HS3ST2: variants seen among roughly 807,000 people sequenced by gnomAD.
The protein encoded by HS3ST2 is heparan sulfate-glucosamine 3-sulfotransferase 2.
In HS3ST2, 17 loss-of-function variants were observed where a neutral mutation model predicts 26.3. The observed-to-expected ratio is 0.65, with a 90% confidence interval of 0.44 to 0.97. HS3ST2 has a LOEUF of 0.97. Ranked by LOEUF, HS3ST2 falls within the 50% of genes least tolerant of loss-of-function variation. The probability of loss-of-function intolerance (pLI) is 0.00; values close to 1 mark genes in which losing one functional copy is unlikely to be tolerated. For synonymous variants in HS3ST2, 237 were observed against 219.2 expected, an observed-to-expected ratio of 1.08 and a Z score of -0.72; for missense variants, 402 against 501.2, an observed-to-expected ratio of 0.80 and a Z score of 1.89.
At chr16:22,860,381 C>T (rs1901658331) in intron 1 of HS3ST2, among the ~76,000 whole-genome samples, 1 of 152,130 alleles carries the variant, frequency 6.6e-6, no homozygotes, top group South Asian at 2.1e-4. Flanking sequence ...TTAACTACCT[C>T]CCACTGGGTC....
chr16:22,823,618 TAAAAA>T (rs35978909), intron 1 of HS3ST2, among the ~76,000 whole-genome samples: 1 of 137,298 alleles, frequency 7.3e-6, no homozygotes. Context: ...ACCTCTTCTC[TAAAAA>T]AAAAAAAAAA....
intron 1 of HS3ST2, among the ~76,000 whole-genome samples, chr16:22,852,466 T>C (rs369480736): frequency 6.6e-5 from 10 of 152,284 alleles, no homozygotes; most frequent in African/African-American, 2.4e-4. Context: ...TCCCCAGTCA[T>C]TCCTTCTGGC....
At chr16:22,886,948 T>C (rs1258073794) in intron 1 of HS3ST2, among the ~76,000 whole-genome samples, 2 of 152,208 alleles carry the variant, frequency 1.3e-5, no homozygotes, top group African/African-American at 4.8e-5. Flanking sequence ...GATGAGGTTT[T>C]GCTATGTTGC....
intron 1 of HS3ST2, among the ~76,000 whole-genome samples, chr16:22,871,607 A>G (rs916154832): frequency 6.6e-6 from 1 of 152,138 alleles, no homozygotes; most frequent in Non-Finnish European, 1.5e-5. Flanking sequence ...TCCCCACAAA[A>G]ACACAATCTC....
chr16:22,816,514 G>A (rs755553736), intron 1 of HS3ST2, among the ~76,000 whole-genome samples: 55 of 152,216 alleles, frequency 3.6e-4, no homozygotes, highest in Admixed American at 3.2e-3. Flanking sequence ...TCCTTAGCAG[G>A]CAGACACATA....
At chr16:22,823,082 A>G (rs1487054303) in intron 1 of HS3ST2, among the ~76,000 whole-genome samples, 1 of 152,354 alleles carries the variant, frequency 6.6e-6, no homozygotes, top group Non-Finnish European at 1.5e-5. Context: ...GTTAAAATAA[A>G]TATTGTTTAA....
Position 22,857,229 on chromosome 16 carries a change from G to A in HS3ST2, c.485+42134G>A, listed in dbSNP as rs185130784. Among the ~76,000 whole-genome samples, 93 of 152,294 alleles carry A rather than the reference G, an allele frequency of 6.1e-4. 1 individual carries two copies. The highest frequency in any genetic ancestry group is 1.8e-3 in the African/African-American group (76 of 41,548). ...GATGAAAGTAATGTTATTAATTTCC[G>A]TAGTTATAATTTTAAACACAAGTCA... On this transcript the variant is annotated intron_variant, in intron 1 of 1. Transcript: ENST00000261374.
chr16:22,822,054 GGT>G (rs1227513876), intron 1 of HS3ST2, among the ~76,000 whole-genome samples: 1 of 152,136 alleles, frequency 6.6e-6, no homozygotes. Context: ...GTCTGCTCTA[GGT>G]GGAGGCTAAA....
At chr16:22,821,650 A>T (rs568093472) in intron 1 of HS3ST2, among the ~76,000 whole-genome samples, 1 of 152,052 alleles carries the variant, frequency 6.6e-6, no homozygotes, top group Non-Finnish European at 1.5e-5. Flanking sequence ...AGGTTAATCC[A>T]TTCGTTTGTC....
rs545194779 is a variant in HS3ST2, at chr16:22,857,811, A to G, written c.485+42716A>G. On this transcript the variant is annotated intron_variant, in intron 1 of 1. Coordinates refer to ENST00000261374, the MANE Select transcript of HS3ST2 (RefSeq NM_006043.2). The stretch of plus-strand genomic sequence containing the variant: ...AATTATGGCTGCCTTATCCATTTTT[A>G]ATAATCTACTTATGATCGCGCAAAC... 1.7e-3 allele frequency among the ~76,000 whole-genome samples: 258 copies of G among 152,256 alleles called. 2 individuals are homozygous for G. Among genetic ancestry groups the G allele is most frequent in the African/African-American group, 5.9e-3 (246 of 41,528 alleles).
chr16:22,890,491 A>G (rs1278617156), intron 1 of HS3ST2, among the ~76,000 whole-genome samples: 1 of 152,212 alleles, frequency 6.6e-6, no homozygotes, highest in Non-Finnish European at 1.5e-5. Flanking sequence ...GATCCCAGTT[A>G]TATACATTTT....
chr16:22,870,023 TA>T (rs1434247987), intron 1 of HS3ST2, among the ~76,000 whole-genome samples: 1 of 152,176 alleles, frequency 6.6e-6, no homozygotes, highest in Non-Finnish European at 1.5e-5. Context: ...ACATTGAATT[TA>T]AAATGTAGGT....
rs773760554 is a variant in HS3ST2, at chr16:22,915,460, T to C, written c.1002T>C (p.His334=). Residue 334 remains histidine (H), a synonymous_variant, in exon 2 of 2, where the codon CAT becomes CAC. Coordinates refer to ENST00000261374, the MANE Select transcript of HS3ST2 (RefSeq NM_006043.2). ...RCLGKSKGRT[H]VQIDPEVIDQ... Reference sequence around the variant, plus strand: ...TGGGCAAATCAAAAGGGAGAACTCATGTACAGATTGATCCTGAAGTGATAG... The same window carrying C: ...TGGGCAAATCAAAAGGGAGAACTCACGTACAGATTGATCCTGAAGTGATAG... 17 of 1,613,422 alleles carry C rather than the reference T, an allele frequency of 1.1e-5. No homozygotes were observed. The South Asian group carries it at 1.5e-4, about 15-fold the overall frequency.
At chr16:22,865,916 T>A (rs1901743398) in intron 1 of HS3ST2, among the ~76,000 whole-genome samples, 1 of 152,068 alleles carries the variant, frequency 6.6e-6, no homozygotes, top group East Asian at 1.9e-4. Context: ...CTATAGTGGG[T>A]CAAAAGAGGG....
chr16:22,845,017 G>A (rs1210313549), intron 1 of HS3ST2, among the ~76,000 whole-genome samples: 1 of 150,654 alleles, frequency 6.6e-6, no homozygotes, highest in Non-Finnish European at 1.5e-5. Flanking sequence ...ACCATGCCTG[G>A]CTAATTTTTT....
At chr16:22,868,871 C>T (rs1901793792) in intron 1 of HS3ST2, among the ~76,000 whole-genome samples, 2 of 151,804 alleles carry the variant, frequency 1.3e-5, no homozygotes, top group Non-Finnish European at 2.9e-5. Flanking sequence ...TACATGGACC[C>T]ATTAGTGTCA....
chr16:22,842,012 T>A (rs964273604), intron 1 of HS3ST2, among the ~76,000 whole-genome samples: 10 of 152,026 alleles, frequency 6.6e-5, no homozygotes, highest in African/African-American at 2.4e-4. Context: ...TGGTTGTTTT[T>A]CGCTGTATCT....
intron 1 of HS3ST2, among the ~76,000 whole-genome samples, chr16:22,885,645 G>A (rs1183388897): frequency 2.6e-5 from 4 of 151,608 alleles, no homozygotes; most frequent in East Asian, 2.0e-4. Context: ...TAATAGAGAC[G>A]GGCCTTCACC....
intron 1 of HS3ST2, among the ~76,000 whole-genome samples, chr16:22,859,121 G>A (rs1017795120): frequency 2.0e-5 from 3 of 152,162 alleles, no homozygotes; most frequent in South Asian, 4.1e-4. Context: ...AGCTATGATC[G>A]TGCCACTGTG....
Sources: allele counts gnomAD v4.1 joint callset (sites outside exome capture counted in the v4.1 genomes callset), GRCh38; gene constraint gnomAD v4.1.1; transcripts MANE v1.5; gene names NCBI Gene and HGNC (gene_info 2026-07-23, HGNC 2026-07-21).